Variants in ZNF114 observed in about 807,000 individuals in gnomAD.
The protein encoded by ZNF114 is zinc finger protein 114 (Y18).
A neutral mutation model predicts 6.8 loss-of-function variants in ZNF114; 8 were observed. The ratio of observed to expected loss-of-function variants is 1.18; its 90% CI spans 0.69 to 2.13. The LOEUF is 2.13. Among genes scored for constraint, ZNF114 ranks in the 30% most tolerant of loss-of-function variants. The probability of loss-of-function intolerance (pLI) is 0.00; values close to 1 mark genes in which losing one functional copy is unlikely to be tolerated. For synonymous variants in ZNF114, 169 were observed against 185.5 expected (o/e 0.91, Z 0.72); for missense variants, 472 against 519.5 (o/e 0.91, Z 0.89).
Position 48,286,833 on chromosome 19 carries a change from TA to T in ZNF114, c.1215del (p.Lys405AsnfsTer25). On this transcript the variant is annotated frameshift_variant, in exon 6 of 6. Coordinates refer to ENST00000595607, the MANE Select transcript of ZNF114 (RefSeq NM_153608.4). LOFTEE classifies it low-confidence loss of function (END_TRUNC). ...AAGACTTTGCAAAGTCGTCAGGACT[TA>T]AAAAACATCTTAAGACTCACAAAGA... ...GKDFAKSSGL[K>X]KHLKTHKDEK... The T allele has an allele frequency of 6.3e-7, 1 of 1,584,652 alleles. No homozygotes were observed. Among genetic ancestry groups the T allele is most frequent in the Non-Finnish European group, 8.5e-7 (1 of 1,171,784 alleles).
intron 5 of ZNF114, among the ~76,000 whole-genome samples, chr19:48,283,007 C>T (rs1005727016): frequency 6.6e-6 from 1 of 151,864 alleles, no homozygotes; most frequent in African/African-American, 2.4e-5. Flanking sequence ...TGAGCCACCA[C>T]ACCCAGCCTT....
intron 5 of ZNF114, among the ~76,000 whole-genome samples, chr19:48,283,676 A>G (rs908575012): frequency 4.6e-5 from 7 of 152,006 alleles, no homozygotes; most frequent in African/African-American, 7.2e-5. Context: ...CATGGTGCCA[A>G]CCGAGGAGAT....
At chr19:48,280,084 G>C (rs1471932021) in intron 4 of ZNF114, among the ~76,000 whole-genome samples, 2 of 152,176 alleles carry the variant, frequency 1.3e-5, no homozygotes, top group African/African-American at 4.8e-5. Flanking sequence ...ACTAAGAAAG[G>C]AGCTGAAAGT....
In ZNF114 at chr19:48,271,453, A is replaced by G. The variant is rs1442076919; in HGVS notation, c.-172+4A>G. The G allele has an allele frequency of 1.4e-5, 2 of 141,900 alleles. No homozygotes were observed. The highest frequency in any genetic ancestry group is 1.6e-4 in the Admixed American group (2 of 12,526). 8.8% of individuals were successfully genotyped at this position (141,900 alleles called of 1,614,324 possible). Reference sequence around the variant, plus strand: ...TTGGATCAGGAGTGCCTGGGGAGTAAGTTCTACAGGAAATGTCAATCTACT... The same window carrying G: ...TTGGATCAGGAGTGCCTGGGGAGTAGGTTCTACAGGAAATGTCAATCTACT... On this transcript the variant is annotated splice_donor_region_variant and intron_variant, in intron 2 of 5. Transcript: ENST00000595607.
At chr19:48,274,914 G>T (rs188926238) in intron 3 of ZNF114, among the ~76,000 whole-genome samples, 3 of 152,088 alleles carry the variant, frequency 2.0e-5, no homozygotes, top group African/African-American at 7.2e-5. Flanking sequence ...ACTAGTTGGA[G>T]TCCCTGGGTA....
In ZNF114 at chr19:48,286,143, CA is replaced by C. The variant is rs1968121743; in HGVS notation, c.521del (p.Asn174ThrfsTer22). ...ACGATAGTCAAAAAACACATGAAAA[CA>C]ACGAAGACGATGGAGTCTTGGGGTG... The part of the protein sequence containing the change: ...LNDSQKTHEN[N>X]EDDGVLGWNI... On this transcript the variant is annotated frameshift_variant, in exon 6 of 6. Coordinates refer to ENST00000595607, the MANE Select transcript of ZNF114 (RefSeq NM_153608.4). LOFTEE classifies it low-confidence loss of function (END_TRUNC). 3.1e-6 allele frequency: 5 copies of C among 1,614,116 alleles called. No homozygotes were observed. In the East Asian group the frequency reaches 1.1e-4, roughly 36 times the overall value.
chr19:48,286,451 A>T lies in ZNF114; in HGVS notation c.827A>T (p.Lys276Met). The T allele has an allele frequency of 6.2e-7, 1 of 1,614,242 alleles. No homozygotes were observed. Among genetic ancestry groups the T allele is most frequent in the Non-Finnish European group, 8.5e-7 (1 of 1,180,056 alleles). Residue 276 changes from lysine (K) to methionine (M), a missense_variant, in exon 6 of 6, where the codon AAG becomes ATG. By Grantham distance (95) the Lys-to-Met change is moderately conservative. Transcript: ENST00000595607. ...QMQLYTAETNKKDCQTGATSA... is the reference protein window; with the variant it reads ...QMQLYTAETNMKDCQTGATSA... ...CAGTTGTATACCGCAGAGACAAACA[A>T]GAAGGATTGTCAAACTGGGGCAACC...
At position 48,281,165 on chromosome 19, in the gene ZNF114, T is replaced by C. The variant is rs540777784; in HGVS notation, c.10-1206T>C. Among the ~76,000 whole-genome samples the C allele has an allele frequency of 2.4e-4, 37 of 152,082 alleles. 1 individual carries two copies. Among genetic ancestry groups the C allele is most frequent in the African/African-American group, 6.7e-4 (28 of 41,520 alleles). The stretch of plus-strand genomic sequence containing the variant: ...CTCAGAAGAAAGAGCACCTGAGTCA[T>C]ACGACCGGACGTCAGTCTCTACCAA... On this transcript the variant is annotated intron_variant, in intron 4 of 5. Coordinates refer to ENST00000595607, the MANE Select transcript of ZNF114 (RefSeq NM_153608.4).
At chr19:48,285,732 A>T in intron 5 of ZNF114, 29 bp from the exon 6 acceptor site, 1 of 1,570,786 alleles carries the variant, frequency 6.4e-7, no homozygotes, top group Non-Finnish European at 8.6e-7. Context: ...TTCAACAAAG[A>T]ATTTAACTTT....
chr19:48,272,971 A>T (rs1383251877), intron 3 of ZNF114, among the ~76,000 whole-genome samples: 3 of 151,716 alleles, frequency 2.0e-5, no homozygotes, highest in Non-Finnish European at 2.9e-5. Flanking sequence ...AATTTTTTGT[A>T]TTTTTAGTAG....
Position 48,286,084 on chromosome 19 carries a change from G to C in ZNF114, c.460G>C (p.Asp154His). The C allele has an allele frequency of 6.2e-7, 1 of 1,614,034 alleles. No individual in the cohort carries two copies. Among genetic ancestry groups the C allele is most frequent in the Non-Finnish European group, 8.5e-7 (1 of 1,180,042 alleles). Residue 154 changes from aspartate (D) to histidine (H), a missense_variant, in exon 6 of 6, where the codon GAC (aspartate) becomes CAC (histidine). By Grantham distance (81) the Asp-to-His change is moderately conservative (BLOSUM62 -1). Coordinates refer to ENST00000595607, the MANE Select transcript of ZNF114 (RefSeq NM_153608.4). ...DSIRQCILTRDSSIFKYNPVL... is the reference protein window; with the variant it reads ...DSIRQCILTRHSSIFKYNPVL... ...CATAAGACAATGTATCCTAACACGT[G>C]ACTCAAGTATTTTCAAGTATAATCC...
Position 48,286,877 on chromosome 19 carries a change from G to T in ZNF114, c.1253G>T (p.Ter418LeuextTer17), listed in dbSNP as rs2147299300. ...KTHKDEKPCE[*>L] is the part of the protein sequence containing the mutation. ...CACAAAGATGAGAAGCCCTGTGAAT[G>T]AAAGGAAGGTGGAAAATTTTTCATT... Residue 418 changes from the stop codon to leucine (L), a stop_lost, in exon 6 of 6, where the codon TGA (stop) becomes TTA (leucine). Transcript: ENST00000595607. The T allele has an allele frequency of 6.4e-7, 1 of 1,550,656 alleles. No individual in the cohort carries two copies. Among genetic ancestry groups the T allele is most frequent in the Non-Finnish European group, 8.7e-7 (1 of 1,155,796 alleles).
rs560518163 is a variant in ZNF114, at chr19:48,270,191, A to T, written c.-405A>T. ...TTCTATACGGACACGCGTGACACCC[A>T]GGAGTTCGAGACGAGTCTGGGCAGC... On this transcript the variant is annotated 5_prime_UTR_variant, in exon 1 of 6. Coordinates refer to ENST00000595607, the MANE Select transcript of ZNF114 (RefSeq NM_153608.4). The T allele has an allele frequency of 2.0e-5, 3 of 151,932 alleles. No individual in the cohort carries two copies. The highest frequency in any genetic ancestry group is 4.4e-5 in the Non-Finnish European group (3 of 68,092). 9.4% of individuals were successfully genotyped at this position (151,932 alleles called of 1,614,324 possible).
At chr19:48,279,483 TGTGA>T (rs1295858957) in intron 3 of ZNF114, among the ~76,000 whole-genome samples, 4 of 71,608 alleles carry the variant, frequency 5.6e-5, no homozygotes, top group African/African-American at 1.2e-4. Context: ...TGGGTGTGTG[TGTGA>T]GTGTGTGTGT....
intron 4 of ZNF114, 107 bp downstream of exon 4, chr19:48,279,915 G>C (rs528594978): frequency 6.5e-7 from 1 of 1,546,472 alleles, no homozygotes; most frequent in South Asian, 1.1e-5. Context: ...GCCAGGCAGG[G>C]CCCCCCGCCA....
chr19:48,276,894 C>T (rs1967850736), intron 3 of ZNF114, among the ~76,000 whole-genome samples: 1 of 151,498 alleles, frequency 6.6e-6, no homozygotes, highest in South Asian at 2.1e-4. Context: ...CGTGGTGGCT[C>T]ACGCCTGTAA....
chr19:48,286,240 AC>A lies in ZNF114; in HGVS notation c.617del (p.Thr206MetfsTer115), dbSNP rs1301088743. On this transcript the variant is annotated frameshift_variant, in exon 6 of 6. Coordinates refer to ENST00000595607, the MANE Select transcript of ZNF114 (RefSeq NM_153608.4). LOFTEE classifies it low-confidence loss of function (END_TRUNC). ...AAGCACATGGACTGGCAGTCAGAAC[AC>A]TGTGCATCATATACGTGATGAAATT... ...KSSTWTGSQN[T>X]VHHIRDEIDT... 9 of 1,614,202 alleles carry A rather than the reference AC, an allele frequency of 5.6e-6. No homozygotes were observed. Among genetic ancestry groups the A allele is most frequent in the Non-Finnish European group, 6.8e-6 (8 of 1,180,032 alleles).
chr19:48,273,612 G>T (rs1027389382), intron 3 of ZNF114, among the ~76,000 whole-genome samples: 1 of 151,812 alleles, frequency 6.6e-6, no homozygotes, highest in Admixed American at 6.6e-5. Context: ...CATCAGGTGT[G>T]GCTGTTTCCT....
At chr19:48,284,419 T>G (rs1968065660) in intron 5 of ZNF114, among the ~76,000 whole-genome samples, 1 of 151,960 alleles carries the variant, frequency 6.6e-6, no homozygotes, top group Non-Finnish European at 1.5e-5. Context: ...AAAAACAATT[T>G]TTTTTTAATT....
Sources: gnomAD v4.1 joint callset for allele counts (sites outside exome capture counted in the v4.1 genomes callset) on GRCh38, gnomAD v4.1.1 for gene constraint, MANE v1.5 for transcripts, NCBI Gene and HGNC (gene_info 2026-07-23, HGNC 2026-07-21) for gene names.